Variants in COL6A5 observed in about 807,000 individuals in gnomAD.
COL6A5 encodes the protein collagen type VI alpha 5 chain.
In COL6A5, 48 loss-of-function variants were observed where a neutral mutation model predicts 65.6. That is an observed-to-expected ratio of 0.73 (90% CI 0.58 to 0.93). The LOEUF (loss-of-function observed/expected upper bound fraction) is 0.93, where lower values mean the gene tolerates loss of function less well. Among genes scored for constraint, COL6A5 ranks in the 40% least tolerant of loss-of-function variants. The probability of loss-of-function intolerance (pLI) is 0.00; values close to 1 mark genes in which losing one functional copy is unlikely to be tolerated. For missense variants in COL6A5, 914 were observed against 928.3 expected, an observed-to-expected ratio of 0.98 and a Z score of 0.20; for synonymous variants, 291 against 322.8, an observed-to-expected ratio of 0.90 and a Z score of 1.05.
intron 25 of COL6A5, among the ~76,000 whole-genome samples, chr3:130,420,535 A>G (rs1160159835): frequency 2.0e-5 from 3 of 152,164 alleles, no homozygotes; most frequent in Non-Finnish European, 2.9e-5. Flanking sequence ...ATGAATTTCT[A>G]CATAGAGATT....
At chr3:130,399,929 GT>G (rs201978008) in intron 10 of COL6A5, among the ~76,000 whole-genome samples, 2,381 of 151,548 alleles carry the variant, frequency 0.016, 30 homozygotes, top group Non-Finnish European at 0.019. Flanking sequence ...AATTTTTTTT[GT>G]ATTTTTAGTA....
chr3:130,423,188 C>T (rs1172578042), intron 28 of COL6A5, among the ~76,000 whole-genome samples: 1 of 152,024 alleles, frequency 6.6e-6, no homozygotes, highest in South Asian at 2.1e-4. Context: ...TCTGACAATT[C>T]CACTATCCAT....
At chr3:130,431,678 G>C in exon 1 of COL6A5, 1 of 1,551,572 alleles carries the variant, frequency 6.4e-7, no homozygotes, top group Non-Finnish European at 8.7e-7. Flanking sequence ...GACTACAATA[G>C]GAAGAAGCAG....
chr3:130,355,874 C>A (rs1934906411), intron 1 of COL6A5, among the ~76,000 whole-genome samples: 1 of 151,806 alleles, frequency 6.6e-6, no homozygotes, highest in African/African-American at 2.4e-5. Context: ...TGAATCCAGC[C>A]ACACACTATC....
chr3:130,413,485 C>T, intron 20 of COL6A5, 60 bp from the exon 21 acceptor site: 1 of 1,460,228 alleles, frequency 6.8e-7, no homozygotes, highest in South Asian at 1.2e-5. Context: ...GGCTGATTTG[C>T]CTCAAGGAAC....
chr3:130,434,374 G>T (rs1937954943), intron 1 of COL6A5, among the ~76,000 whole-genome samples: 1 of 152,102 alleles, frequency 6.6e-6, no homozygotes, highest in Admixed American at 6.5e-5. Flanking sequence ...CTTTGCTATT[G>T]TAAATAGTGC....
chr3:130,457,253 G>A lies in COL6A5; in HGVS notation c.1544+1587G>A, dbSNP rs1709594303. Among the ~76,000 whole-genome samples the A allele has an allele frequency of 2.0e-5, 3 of 152,154 alleles. No individual in the cohort carries two copies. In the South Asian group the frequency reaches 6.2e-4, roughly 32 times the overall value. Reference sequence around the variant, plus strand: ...AGAAGAAGAGGTGTTTTGGTAGAGGGTTAGAGTATCAAATTGTCATTTGTG... The same window carrying A: ...AGAAGAAGAGGTGTTTTGGTAGAGGATTAGAGTATCAAATTGTCATTTGTG... On this transcript the variant is annotated intron_variant, in intron 5 of 7. Coordinates refer to ENST00000512836, the Ensembl canonical transcript of COL6A5.
Position 130,423,917 on chromosome 3 carries a change from G to T in COL6A5, c.5163+17G>T. ...GGACAGAGAGTAAGTGTATCCATAA[G>T]AACTAAATAGGATATAGTAGTTTCC... On this transcript the variant is annotated intron_variant and NMD_transcript_variant, in intron 29 of 41. Coordinates refer to the COL6A5 transcript ENST00000312481. The T allele has an allele frequency of 1.3e-6, 2 of 1,527,760 alleles. No homozygotes were observed. The highest frequency in any genetic ancestry group is 1.2e-5 in the South Asian group (1 of 83,360). The allele number at this position is 1,527,760 out of a possible 1,614,324, so 94.6% of individuals were successfully genotyped here.
chr3:130,368,545 G>C (rs71333664), intron 1 of COL6A5, among the ~76,000 whole-genome samples: 5 of 127,202 alleles, frequency 3.9e-5, no homozygotes, highest in African/African-American at 1.3e-4. Flanking sequence ...GTGTGTGAGA[G>C]AGTGTGTGTG....
At chr3:130,468,472 T>C (rs1199908743) in intron 5 of COL6A5, among the ~76,000 whole-genome samples, 3 of 152,090 alleles carry the variant, frequency 2.0e-5, no homozygotes, top group Non-Finnish European at 4.4e-5. Context: ...CCATGTGGAG[T>C]ACATTAAAAA....
At chr3:130,476,066 A>G (rs761344487) in intron 7 of COL6A5, among the ~76,000 whole-genome samples, 2 of 152,130 alleles carry the variant, frequency 1.3e-5, no homozygotes, top group Non-Finnish European at 2.9e-5. Context: ...TTGGACTGCC[A>G]TAACAAAGAC....
intron 11 of COL6A5, 32 bp from the exon 12 acceptor site, chr3:130,401,730 C>T: frequency 6.9e-7 from 1 of 1,452,418 alleles, no homozygotes; most frequent in African/African-American, 1.4e-5. Flanking sequence ...CTGACAATTG[C>T]TATTCCCTCA....
intron 24 of COL6A5, among the ~76,000 whole-genome samples, chr3:130,418,316 C>A (rs1321603365): frequency 6.6e-6 from 1 of 152,014 alleles, no homozygotes; most frequent in Non-Finnish European, 1.5e-5. Context: ...CTGGATCACT[C>A]TCACCCCTTT....
chr3:130,383,040 A>T (rs376041036), intron 4 of COL6A5, among the ~76,000 whole-genome samples: 1 of 152,184 alleles, frequency 6.6e-6, no homozygotes, highest in East Asian at 1.9e-4. Flanking sequence ...GTAGCATCCA[A>T]TTGGGCAGAT....
intron 1 of COL6A5, among the ~76,000 whole-genome samples, chr3:130,435,580 T>C (rs1044138185): frequency 1.3e-5 from 2 of 152,198 alleles, no homozygotes; most frequent in Non-Finnish European, 2.9e-5. Context: ...GAGGATGGAA[T>C]GTTTTCCATC....
intron 5 of COL6A5, among the ~76,000 whole-genome samples, chr3:130,463,848 T>A (rs558340327): frequency 1.3e-5 from 2 of 152,180 alleles, no homozygotes; most frequent in African/African-American, 4.8e-5. Context: ...TTGACTAAAT[T>A]TTAGAGTTTT....
chr3:130,370,971 A>T (rs756319786), intron 1 of COL6A5, among the ~76,000 whole-genome samples: 4 of 152,126 alleles, frequency 2.6e-5, no homozygotes, highest in Non-Finnish European at 5.9e-5. Context: ...AGCAAAACTC[A>T]ACTGAGCTTT....
At chr3:130,472,856 T>TATATATATATATAC (rs752157374) in intron 7 of COL6A5, among the ~76,000 whole-genome samples, 19 of 143,358 alleles carry the variant, frequency 1.3e-4, no homozygotes, top group Non-Finnish European at 2.4e-4. Flanking sequence ...TATATATATA[T>TATATATATATATAC]ATACACATTT....
chr3:130,391,875 G>T (rs1183926898), intron 7 of COL6A5, 121 bp downstream of exon 7: 4 of 788,342 alleles, frequency 5.1e-6, no homozygotes, highest in African/African-American at 1.8e-5. Flanking sequence ...CTCTGCTCAG[G>T]CTATCAGTTT....
Sources: gnomAD v4.1 joint callset for allele counts (sites outside exome capture counted in the v4.1 genomes callset) on GRCh38, gnomAD v4.1.1 for gene constraint, MANE v1.5 for transcripts, NCBI Gene and HGNC (gene_info 2026-07-23, HGNC 2026-07-21) for gene names.